UBAC1: variants seen among roughly 807,000 people sequenced by gnomAD.
UBAC1 encodes UBA domain containing 1.
A neutral mutation model predicts 45.9 loss-of-function variants in UBAC1; 27 were observed. That is an observed-to-expected ratio of 0.59 (90% CI 0.43 to 0.81). The LOEUF (loss-of-function observed/expected upper bound fraction) is 0.81. Ranked by LOEUF, UBAC1 falls within the 30% of genes least tolerant of loss-of-function variation. UBAC1 has a pLI of 0.00. For missense variants in UBAC1, 529 were observed against 539.2 expected, an observed-to-expected ratio of 0.98 and a Z score of 0.19; for synonymous variants, 227 against 215.5, an observed-to-expected ratio of 1.05 and a Z score of -0.47.
chr9:135,958,770 G>A (rs1839496859), intron 1 of UBAC1, among the ~76,000 whole-genome samples: 2 of 152,136 alleles, frequency 1.3e-5, no homozygotes, highest in Non-Finnish European at 2.9e-5. Context: ...TTCTGGCCCT[G>A]CCTGCAGAAC....
At chr9:135,936,974 TA>T (rs766397102) in intron 9 of UBAC1, among the ~76,000 whole-genome samples, 5 of 152,108 alleles carry the variant, frequency 3.3e-5, no homozygotes, top group African/African-American at 7.2e-5. Flanking sequence ...TCTGAATGAA[TA>T]AGAAAACAAT....
intron 7 of UBAC1, chr9:135,942,198 T>G (rs780628051): frequency 6.6e-6 from 1 of 151,622 alleles, no homozygotes; most frequent in Non-Finnish European, 1.5e-5. Context: ...CACACGAGAG[T>G]GCGAAGTCCA....
At chr9:135,933,551 C>T in intron 9 of UBAC1, 36 bp from the exon 10 acceptor site, 2 of 1,508,562 alleles carry the variant, frequency 1.3e-6, no homozygotes, top group South Asian at 1.1e-5. Context: ...AGTGCCCACG[C>T]CCCCACTCAG....
chr9:135,948,638 C>A (rs1839368527), intron 3 of UBAC1, among the ~76,000 whole-genome samples: 1 of 152,242 alleles, frequency 6.6e-6, no homozygotes, highest in Non-Finnish European at 1.5e-5. Flanking sequence ...GAAAGCGGCA[C>A]CCCAGCACCC....
intron 1 of UBAC1, among the ~76,000 whole-genome samples, chr9:135,960,460 GCA>G (rs1272343248): frequency 6.6e-6 from 1 of 152,174 alleles, no homozygotes; most frequent in African/African-American, 2.4e-5. Flanking sequence ...CAGCTAAAAG[GCA>G]CAGTGGCCTG....
At chr9:135,955,221 A>G in intron 2 of UBAC1, 74 bp downstream of exon 2, 2 of 1,404,664 alleles carry the variant, frequency 1.4e-6, no homozygotes, top group Non-Finnish European at 1.9e-6. Context: ...TGGGTGGACC[A>G]CCCCCTCCTG....
intron 1 of UBAC1, among the ~76,000 whole-genome samples, chr9:135,959,372 GTTTTTTTTT>G (rs34292104): frequency 4.0e-5 from 4 of 99,848 alleles, no homozygotes; most frequent in Non-Finnish European, 8.0e-5. Flanking sequence ...TTTTTGTCTG[GTTTTTTTTT>G]TTTTTTTTTT....
In UBAC1 at chr9:135,961,356, A is replaced by C. The variant is rs1159120856; in HGVS notation, c.-194T>G. On this transcript the variant is annotated 5_prime_UTR_variant, in exon 1 of 10. Transcript: ENST00000371756. ...GTCGCCTCGCTCCCGCCGCCGCAGC[A>C]GCCGCCGGGGGCGCGCCGTCGCGGC... The C allele has an allele frequency of 2.3e-5, 5 of 217,190 alleles. No homozygotes were observed. Among genetic ancestry groups the C allele is most frequent in the Non-Finnish European group, 3.9e-5 (5 of 128,766 alleles). 13.5% of individuals were successfully genotyped at this position (217,190 alleles called of 1,614,324 possible).
At chr9:135,941,738 C>A (rs140354891) in intron 7 of UBAC1, among the ~76,000 whole-genome samples, 1 of 148,970 alleles carries the variant, frequency 6.7e-6, no homozygotes, top group Non-Finnish European at 1.5e-5. Flanking sequence ...AGGGGCCTTG[C>A]GCTCACGGGC....
rs780451579 is a variant in UBAC1, at chr9:135,945,114, T to G, written c.790A>C (p.Ser264Arg). The part of the protein sequence containing the change: ...AAASEAAAGA[S>R]ATDEEARDEL... ...TCTCTGGCCTCCTCATCGGTGGCGC[T>G]GGCTCCCGCGGCAGCCTCGGAGGCA... The change falls in exon 7 of 10, where the codon AGC becomes CGC. Residue 264 changes from serine to arginine, a missense_variant. Coordinates refer to ENST00000371756, the MANE Select transcript of UBAC1 (RefSeq NM_016172.3). 2.5e-6 allele frequency: 4 copies of G among 1,613,956 alleles called. No individual in the cohort carries two copies. Among genetic ancestry groups the G allele is most frequent in the African/African-American group, 2.7e-5 (2 of 74,942 alleles).
intron 6 of UBAC1, 28 bp from the exon 7 acceptor site, chr9:135,945,278 T>A: frequency 6.5e-7 from 1 of 1,529,340 alleles, no homozygotes; most frequent in Non-Finnish European, 8.8e-7. Flanking sequence ...CTTTCCAACA[T>A]CCCCAGACTA....
intron 7 of UBAC1, among the ~76,000 whole-genome samples, chr9:135,942,634 CAG>C (rs1003216388): frequency 1.4e-5 from 2 of 138,966 alleles, no homozygotes; most frequent in African/African-American, 2.7e-5. Flanking sequence ...GCCTGGGTGA[CAG>C]AGTGAAACTG....
Position 135,939,800 on chromosome 9 carries a change from G to A in UBAC1, c.877-41C>T, listed in dbSNP as rs376802397. 566 of 1,579,266 alleles carry A rather than the reference G, an allele frequency of 3.6e-4. 2 individuals are homozygous for A. Among genetic ancestry groups the A allele is most frequent in the Admixed American group, 5.3e-4 (31 of 58,312 alleles). Reference sequence around the variant, plus strand: ...GCCGTTAGCTCGCTGGGGGCGGCAGGAGGCCGAGGAACCAGTGACCTGCGT... The same window carrying A: ...GCCGTTAGCTCGCTGGGGGCGGCAGAAGGCCGAGGAACCAGTGACCTGCGT... On this transcript the variant is annotated intron_variant, in intron 7 of 9. Coordinates refer to ENST00000371756, the MANE Select transcript of UBAC1 (RefSeq NM_016172.3).
At position 135,945,196 on chromosome 9, in the gene UBAC1, G is replaced by A. The variant is rs768588787; in HGVS notation, c.708C>T (p.Thr236=). The change falls in exon 7 of 10, where the codon ACC becomes ACT. Residue 236 remains threonine, a synonymous_variant. Coordinates refer to ENST00000371756, the MANE Select transcript of UBAC1 (RefSeq NM_016172.3). Reference sequence around the variant, plus strand: ...CTTGGCCAGGAAGAGGCGTGTCTATGGTCGGGTCTTCTGCGTGTTCAATTA... The same window carrying A: ...CTTGGCCAGGAAGAGGCGTGTCTATAGTCGGGTCTTCTGCGTGTTCAATTA... ...EWLIEHAEDP[T]IDTPLPGQAP... The A allele has an allele frequency of 1.2e-6, 2 of 1,611,928 alleles. No homozygotes were observed. Among genetic ancestry groups the A allele is most frequent in the South Asian group, 2.2e-5 (2 of 90,798 alleles).
intron 9 of UBAC1, among the ~76,000 whole-genome samples, chr9:135,936,500 T>C (rs1158641706): frequency 1.1e-5 from 1 of 93,638 alleles, no homozygotes; most frequent in Non-Finnish European, 2.2e-5. Flanking sequence ...TTCCTTTTTC[T>C]TTTTTTTTTT....
chr9:135,938,349 C>A lies in UBAC1; in HGVS notation c.975G>T (p.Leu325=), dbSNP rs756524923. Residue 325 remains leucine, a synonymous_variant, in exon 9 of 10, where the codon CTG becomes CTT. Coordinates refer to ENST00000371756, the MANE Select transcript of UBAC1 (RefSeq NM_016172.3). ...CCGGAGAGGGCTTCCGGTCCCCCAG[C>A]AGCCACTCGCACTGCAAAGCCAAGA... ...NNQQNAACEW[L]LGDRKPSPEE... is the part of the protein sequence containing the mutation. The A allele has an allele frequency of 1.2e-6, 2 of 1,613,504 alleles. No homozygotes were observed. The highest frequency in any genetic ancestry group is 1.7e-5 in the Admixed American group (1 of 59,988).
intron 3 of UBAC1, among the ~76,000 whole-genome samples, chr9:135,951,629 T>G (rs1839406353): frequency 6.6e-6 from 1 of 151,910 alleles, no homozygotes; most frequent in Non-Finnish European, 1.5e-5. Flanking sequence ...GCCAACATGG[T>G]GAAACCCCAT....
chr9:135,944,377 A>G (rs972454608), intron 7 of UBAC1, among the ~76,000 whole-genome samples: 5 of 152,226 alleles, frequency 3.3e-5, no homozygotes, highest in African/African-American at 1.2e-4. Context: ...CAAGGAAACG[A>G]TCAGTGCCAC....
chr9:135,956,884 C>A (rs575781135), intron 1 of UBAC1, among the ~76,000 whole-genome samples: 1 of 152,324 alleles, frequency 6.6e-6, no homozygotes, highest in South Asian at 2.1e-4. Context: ...ACTTTCTAAA[C>A]CCGGTAGCAG....
Sources: allele counts gnomAD v4.1 joint callset (sites outside exome capture counted in the v4.1 genomes callset), GRCh38; gene constraint gnomAD v4.1.1; transcripts MANE v1.5; gene names NCBI Gene and HGNC (gene_info 2026-07-23, HGNC 2026-07-21).